Variants in LARP4 observed in about 807,000 individuals in gnomAD.
The protein encoded by LARP4 is la-related protein 4.
LARP4 carries 29 observed loss-of-function variants against 92.9 expected under a neutral mutation model. The ratio of observed to expected loss-of-function variants is 0.31; its 90% CI spans 0.23 to 0.43. LARP4 has a LOEUF of 0.43. LARP4 is among the 20% of genes least tolerant of loss of function. The pLI is 1.00. For missense variants in LARP4, 732 were observed against 860.0 expected (o/e 0.85, Z 1.86); for synonymous variants, 279 against 284.1 (o/e 0.98, Z 0.18).
intron 8 of LARP4, among the ~76,000 whole-genome samples, chr12:50,449,132 A>G (rs1261690938): frequency 6.6e-6 from 1 of 152,018 alleles, no homozygotes; most frequent in Admixed American, 6.6e-5. Flanking sequence ...AGTCCCAGCT[A>G]CTCGGGAGGC....
At chr12:50,473,865 A>G (rs911821678) in intron 14 of LARP4, 134 bp from the exon 15 acceptor site, 3 of 589,178 alleles carry the variant, frequency 5.1e-6, no homozygotes, top group African/African-American at 1.9e-5. Context: ...AGCCAAGAGC[A>G]TGCCACTACA....
intron 2 of LARP4, among the ~76,000 whole-genome samples, chr12:50,428,326 C>T (rs57828015): frequency 0.11 from 16,464 of 152,018 alleles, 1,737 homozygotes; most frequent in East Asian, 0.45. Flanking sequence ...CCATGCCTGG[C>T]CAGGATATAT....
chr12:50,454,513 G>T (rs1953864234), intron 10 of LARP4, 96 bp downstream of exon 10: 2 of 906,122 alleles, frequency 2.2e-6, no homozygotes, highest in Non-Finnish European at 3.3e-6. Flanking sequence ...CAGTAATAAG[G>T]TTTGGTGGAT....
chr12:50,407,442 T>C lies in LARP4; in HGVS notation c.18+6414T>C, dbSNP rs138564447. Reference sequence around the variant, plus strand: ...GGGCAAGTCAAACAATTTATAATTATTTAAAGTTTTTTTTATAGTTGGAGA... The same window carrying C: ...GGGCAAGTCAAACAATTTATAATTACTTAAAGTTTTTTTTATAGTTGGAGA... On this transcript the variant is annotated intron_variant, in intron 1 of 15. Transcript: ENST00000398473. 2.0e-3 allele frequency among the ~76,000 whole-genome samples: 298 copies of C among 152,356 alleles called. 1 individual carries two copies. In the East Asian group the frequency reaches 0.022, roughly 11 times the overall value.
At chr12:50,415,604 T>C (rs1379810693) in intron 1 of LARP4, 1 of 152,120 alleles carries the variant, frequency 6.6e-6, no homozygotes, top group Non-Finnish European at 1.5e-5. Flanking sequence ...TTTTTTGTTA[T>C]ATGTCTACAT....
At chr12:50,471,414 A>G (rs1336689464) in intron 13 of LARP4, among the ~76,000 whole-genome samples, 2 of 152,194 alleles carry the variant, frequency 1.3e-5, no homozygotes, top group African/African-American at 4.8e-5. Context: ...TAGGAAGTAA[A>G]ATATTTATTC....
At chr12:50,408,106 A>C (rs1945168561) in intron 1 of LARP4, among the ~76,000 whole-genome samples, 2 of 151,560 alleles carry the variant, frequency 1.3e-5, no homozygotes, top group Admixed American at 6.6e-5. Context: ...AACTGCATTC[A>C]TAAATGCCAA....
At chr12:50,458,108 ATT>A (rs550782259) in intron 10 of LARP4, among the ~76,000 whole-genome samples, 1,567 of 142,236 alleles carry the variant, frequency 0.011, 35 homozygotes, top group African/African-American at 0.039. Context: ...AAGTTTTTGT[ATT>A]TTTTTTTTTG....
chr12:50,447,434 TCTG>T (rs1450294894), intron 8 of LARP4, among the ~76,000 whole-genome samples: 1 of 152,226 alleles, frequency 6.6e-6, no homozygotes, highest in Non-Finnish European at 1.5e-5. Flanking sequence ...CATAAAATGG[TCTG>T]CTTTATAAAT....
chr12:50,474,354 G>A (rs181462772), intron 15 of LARP4, among the ~76,000 whole-genome samples, 187 bp downstream of exon 15: 1 of 151,404 alleles, frequency 6.6e-6, no homozygotes, highest in Admixed American at 6.6e-5. Flanking sequence ...GCTTTTTTTT[G>A]TTTTGTTTTG....
chr12:50,404,693 T>G (rs1276910590), intron 1 of LARP4, among the ~76,000 whole-genome samples: 4 of 145,550 alleles, frequency 2.7e-5, no homozygotes, highest in Admixed American at 2.1e-4. Flanking sequence ...TTTTTTTTTT[T>G]TTTTTTTTTT....
intron 12 of LARP4, among the ~76,000 whole-genome samples, chr12:50,463,851 C>T (rs1450603536): frequency 6.6e-6 from 1 of 152,132 alleles, no homozygotes; most frequent in Non-Finnish European, 1.5e-5. Context: ...CCCGTATTTC[C>T]CCTCTGCACT....
In LARP4 at chr12:50,476,003, G is replaced by A; in HGVS notation, c.*139G>A. ...CGTCCATTTCATTATGGATTTTGGA[G>A]TTGTGAGTGATAGGATCCCAAAATT... On this transcript the variant is annotated 3_prime_UTR_variant, in exon 16 of 16. Coordinates refer to ENST00000398473, the MANE Select transcript of LARP4 (RefSeq NM_052879.5). 1 of 700,288 alleles carries A rather than the reference G, an allele frequency of 1.4e-6. No homozygotes were observed. Among genetic ancestry groups the A allele is most frequent in the Admixed American group, 3.0e-5 (1 of 32,930 alleles). 43.4% of individuals were successfully genotyped at this position (700,288 alleles called of 1,614,324 possible). A position where few individuals can be genotyped will look rare whatever the true frequency, so the allele number is the denominator to read the frequency against.
At chr12:50,410,164 GTAGT>G (rs1258857833) in intron 1 of LARP4, among the ~76,000 whole-genome samples, 2 of 151,908 alleles carry the variant, frequency 1.3e-5, no homozygotes, top group Non-Finnish European at 2.9e-5. Flanking sequence ...GTTCGTTTGT[GTAGT>G]TAGCCATTAG....
intron 10 of LARP4, among the ~76,000 whole-genome samples, chr12:50,459,822 C>CAAA (rs59855735): frequency 2.0e-5 from 2 of 99,870 alleles, no homozygotes; most frequent in African/African-American, 1.1e-4. Context: ...GACTCCGTAT[C>CAAA]AAAAAAAAAA....
chr12:50,435,701 A>T, intron 5 of LARP4, 77 bp downstream of exon 5: 1 of 1,080,170 alleles, frequency 9.3e-7, no homozygotes, highest in South Asian at 1.7e-5. Flanking sequence ...TCATATAGGG[A>T]ATTATTTTTA....
chr12:50,415,098 G>A (rs971662546), intron 1 of LARP4, among the ~76,000 whole-genome samples: 1 of 152,122 alleles, frequency 6.6e-6, no homozygotes, highest in Non-Finnish European at 1.5e-5. Context: ...AGCTACTCAG[G>A]AGGCTGAGGC....
intron 1 of LARP4, among the ~76,000 whole-genome samples, chr12:50,424,174 G>C (rs1948347738): frequency 1.3e-5 from 2 of 152,174 alleles, no homozygotes; most frequent in South Asian, 4.1e-4. Context: ...TTTGAGACTA[G>C]CCTGGGCAAC....
chr12:50,456,013 C>G (rs1954165353), intron 10 of LARP4, among the ~76,000 whole-genome samples: 1 of 152,150 alleles, frequency 6.6e-6, no homozygotes, highest in African/African-American at 2.4e-5. Context: ...GATCATACCA[C>G]TGCACTCCAG....
Sources: allele counts gnomAD v4.1 joint callset (sites outside exome capture counted in the v4.1 genomes callset), GRCh38; gene constraint gnomAD v4.1.1; transcripts MANE v1.5; gene names NCBI Gene and HGNC (gene_info 2026-07-23, HGNC 2026-07-21).